Variants in USP31 observed in about 807,000 individuals in gnomAD.
USP31 encodes the protein ubiquitin specific peptidase 31.
In USP31, 44 loss-of-function variants were observed where a neutral mutation model predicts 119.4. The ratio of observed to expected loss-of-function variants is 0.37; its 90% CI spans 0.29 to 0.47. The LOEUF (loss-of-function observed/expected upper bound fraction) is 0.47. USP31 is among the 20% of genes least tolerant of loss of function. USP31 has a pLI of 0.99. For missense variants in USP31, 1,643 were observed against 1,730.2 expected (o/e 0.95, Z 0.89); for synonymous variants, 749 against 705.6 (o/e 1.06, Z -0.97).
intron 13 of USP31, among the ~76,000 whole-genome samples, chr16:23,077,318 G>C (rs1900619567): frequency 6.6e-6 from 1 of 152,124 alleles, no homozygotes; most frequent in Non-Finnish European, 1.5e-5. Context: ...AGTAAAATGA[G>C]TTTGAAAAAA....
At chr16:23,131,072 G>A (rs529778932) in intron 1 of USP31, among the ~76,000 whole-genome samples, 26 of 152,274 alleles carry the variant, frequency 1.7e-4, no homozygotes, top group East Asian at 1.4e-3. Context: ...CACTTTAGAA[G>A]GCCAAGGTGT....
chr16:23,088,238 TCTCTGACAACAA>T (rs1236305264), intron 7 of USP31, among the ~76,000 whole-genome samples: 2 of 151,958 alleles, frequency 1.3e-5, no homozygotes, highest in East Asian at 3.9e-4. Context: ...CATTCTTGAG[TCTCTGACAACAA>T]GGGAGGCACT....
At chr16:23,112,753 G>T (rs1902362294) in intron 1 of USP31, among the ~76,000 whole-genome samples, 1 of 151,860 alleles carries the variant, frequency 6.6e-6, no homozygotes, top group East Asian at 2.0e-4. Flanking sequence ...GAATAGGCGG[G>T]TGTGGTGGCT....
At chr16:23,072,018 A>C in intron 15 of USP31, 27 bp downstream of exon 15, 1 of 1,595,858 alleles carries the variant, frequency 6.3e-7, no homozygotes, top group Non-Finnish European at 8.5e-7. Flanking sequence ...ACCATTCTGG[A>C]AATTTGTCAC....
Position 23,067,883 on chromosome 16 carries a change from C to T in USP31, c.*163G>A. The T allele has an allele frequency of 1.1e-6, 1 of 894,074 alleles. No homozygotes were observed. The highest frequency in any genetic ancestry group is 1.6e-6 in the Non-Finnish European group (1 of 623,136). 55.4% of individuals were successfully genotyped at this position (894,074 alleles called of 1,614,324 possible). The stretch of plus-strand genomic sequence containing the variant: ...ATAAGGCGACGCTTTGAACAATTTG[C>T]AATTGAATTAGACACACACACGCAT... On this transcript the variant is annotated 3_prime_UTR_variant, in exon 16 of 16. Coordinates refer to ENST00000219689, the MANE Select transcript of USP31 (RefSeq NM_020718.4).
intron 14 of USP31, 94 bp from the exon 15 acceptor site, chr16:23,072,291 T>TG (rs1376957551): frequency 2.6e-6 from 4 of 1,519,316 alleles, no homozygotes; most frequent in Non-Finnish European, 2.7e-6. Context: ...CGAGCTGAGC[T>TG]GGGGGGCGTT....
chr16:23,111,660 T>G (rs1031943413), intron 1 of USP31, among the ~76,000 whole-genome samples: 1 of 152,068 alleles, frequency 6.6e-6, no homozygotes, highest in African/African-American at 2.4e-5. Context: ...TGCTCAGACA[T>G]CATCTATGAG....
rs546701020 is a variant in USP31, at chr16:23,079,943, G to C, written c.2176+3C>G. On this transcript the variant is annotated splice_donor_region_variant and intron_variant, in intron 13 of 15. Coordinates refer to ENST00000219689, the MANE Select transcript of USP31 (RefSeq NM_020718.4). Reference sequence around the variant, plus strand: ...CAGACACGCAGCCTCTCACACTGCAGACCTGTGTAGTGCCCCCCTTGCATG... The same window carrying C: ...CAGACACGCAGCCTCTCACACTGCACACCTGTGTAGTGCCCCCCTTGCATG... 18 of 1,605,566 alleles carry C rather than the reference G, an allele frequency of 1.1e-5. No individual in the cohort carries two copies. The highest frequency in any genetic ancestry group is 6.8e-6 in the Non-Finnish European group (8 of 1,176,298).
At chr16:23,081,780 G>A (rs1900839892) in intron 12 of USP31, among the ~76,000 whole-genome samples, 1 of 152,102 alleles carries the variant, frequency 6.6e-6, no homozygotes, top group Non-Finnish European at 1.5e-5. Flanking sequence ...CCAGCCTCTC[G>A]TGCAGGCTGT....
At chr16:23,142,288 T>A (rs917188052) in intron 1 of USP31, among the ~76,000 whole-genome samples, 1 of 152,218 alleles carries the variant, frequency 6.6e-6, no homozygotes, top group East Asian at 1.9e-4. Context: ...TGTGTTGATA[T>A]ACGTGTTGAA....
intron 1 of USP31, among the ~76,000 whole-genome samples, chr16:23,134,093 A>T (rs543295825): frequency 0.037 from 2,956 of 80,568 alleles, 36 homozygotes; most frequent in African/African-American, 0.061. Flanking sequence ...TCTCTCTCAC[A>T]CACACACACA....
chr16:23,115,835 G>GAA (rs11386024), intron 1 of USP31: 9,423 of 793,468 alleles, frequency 0.012, no homozygotes, highest in Middle Eastern at 0.014. Flanking sequence ...TTCCCTTAAA[G>GAA]AAAAAAAAAA....
chr16:23,113,311 G>A (rs578236007), intron 1 of USP31, among the ~76,000 whole-genome samples: 26 of 152,208 alleles, frequency 1.7e-4, no homozygotes, highest in Non-Finnish European at 3.5e-4. Flanking sequence ...CTGGAAATTT[G>A]AATCAGAGCA....
Position 23,085,240 on chromosome 16 carries a change from C to G in USP31, c.1701-251G>C, listed in dbSNP as rs112348841. ...TGGCCATGAACTGTACTGGTTAAAC[C>G]ACATATTCCTGTCCTTTACATCTAA... On this transcript the variant is annotated intron_variant, in intron 10 of 15. Coordinates refer to ENST00000219689, the MANE Select transcript of USP31 (RefSeq NM_020718.4). Among the ~76,000 whole-genome samples, 1,160 of 152,278 alleles carry G rather than the reference C, an allele frequency of 7.6e-3. 20 individuals carry two copies. The highest frequency in any genetic ancestry group is 0.025 in the African/African-American group (1,052 of 41,542).
chr16:23,125,773 T>C (rs1902832704), intron 1 of USP31, among the ~76,000 whole-genome samples: 1 of 152,212 alleles, frequency 6.6e-6, no homozygotes, highest in Non-Finnish European at 1.5e-5. Context: ...CAACTTAATG[T>C]ATCTGTGTAA....
intron 1 of USP31, among the ~76,000 whole-genome samples, chr16:23,137,982 A>C (rs1567248696): frequency 6.6e-6 from 1 of 152,196 alleles, no homozygotes. Context: ...CCAGAATAAC[A>C]ACCATATAAA....
At chr16:23,128,498 A>C (rs984486438) in intron 1 of USP31, among the ~76,000 whole-genome samples, 1 of 152,250 alleles carries the variant, frequency 6.6e-6, no homozygotes, top group African/African-American at 2.4e-5. Flanking sequence ...CTGGAAATCA[A>C]GTAATTATTT....
Position 23,069,219 on chromosome 16 carries a change from G to A in USP31, c.2886C>T (p.Val962=), listed in dbSNP as rs755771060. The change falls in exon 16 of 16, where the codon GTC becomes GTT. Residue 962 remains valine, a synonymous_variant. Transcript: ENST00000219689. The part of the protein sequence containing the change: ...ESDTRRLNSS[V]VDTQSKHSAQ... ...CTGAATGTTTGCTCTGTGTATCTAC[G>A]ACACTGGAGTTCAATCTGCGGGTGT... 1.6e-5 allele frequency: 26 copies of A among 1,614,056 alleles called. No homozygotes were observed. The highest frequency in any genetic ancestry group is 9.3e-5 in the African/African-American group (7 of 74,918).
At chr16:23,107,994 T>C in intron 2 of USP31, 52 bp downstream of exon 2, 1 of 1,559,348 alleles carries the variant, frequency 6.4e-7, no homozygotes, top group East Asian at 2.3e-5. Flanking sequence ...AGTAGAAGAA[T>C]CTACACACTC....
Sources: allele counts gnomAD v4.1 joint callset (sites outside exome capture counted in the v4.1 genomes callset), GRCh38; gene constraint gnomAD v4.1.1; transcripts MANE v1.5; gene names NCBI Gene and HGNC (gene_info 2026-07-23, HGNC 2026-07-21).